Variants in PDZRN3 observed in about 807,000 individuals in gnomAD.
PDZRN3 encodes the protein PDZ domain containing ring finger 3, also known as E3 ubiquitin-protein ligase PDZRN3.
A neutral mutation model predicts 85.7 loss-of-function variants in PDZRN3; 38 were observed. The ratio of observed to expected loss-of-function variants is 0.44; its 90% CI spans 0.34 to 0.58. PDZRN3 has a LOEUF of 0.58. Among genes scored for constraint, PDZRN3 ranks in the 20% least tolerant of loss-of-function variants. The probability of loss-of-function intolerance (pLI) is 0.01; values close to 1 mark genes in which losing one functional copy is unlikely to be tolerated. For synonymous variants in PDZRN3, 759 were observed against 638.0 expected (o/e 1.19, Z -2.86); for missense variants, 1,629 against 1,506.4 (o/e 1.08, Z -1.35).
rs771793125 is a variant in PDZRN3, at chr3:73,383,598, G to A, written c.2968C>T (p.Arg990Trp). Residue 990 changes from arginine (R) to tryptophan (W), a missense_variant, in exon 10 of 10, where the codon CGG (arginine) becomes TGG (tryptophan). Arg to Trp is a moderately radical substitution (Grantham distance 101, BLOSUM62 -3). Transcript: ENST00000263666. ...CTCTGCATCATGAACTCGCGCCGCC[G>A]CCGCTGCTCCTTGGCCTTCACCAGG... ...QHLVKAKEQR[R>W]RREFMMQSRL... 1 of 1,613,980 alleles carries A rather than the reference G, an allele frequency of 6.2e-7. No individual in the cohort carries two copies. Among genetic ancestry groups the A allele is most frequent in the South Asian group, 1.1e-5 (1 of 91,074 alleles).
chr3:73,479,352 G>A (rs1322505673), intron 3 of PDZRN3, among the ~76,000 whole-genome samples: 1 of 151,540 alleles, frequency 6.6e-6, no homozygotes, highest in Non-Finnish European at 1.5e-5. Context: ...CTCTGGCATG[G>A]ACAGGCTCCT....
At chr3:73,494,841 C>T (rs896321056) in intron 3 of PDZRN3, among the ~76,000 whole-genome samples, 32 of 152,254 alleles carry the variant, frequency 2.1e-4, no homozygotes, top group Admixed American at 2.0e-3. Context: ...CTTAACTTTC[C>T]ACAGTATAGA....
chr3:73,623,297 G>A (rs746696175), intron 1 of PDZRN3, among the ~76,000 whole-genome samples: 5 of 152,216 alleles, frequency 3.3e-5, no homozygotes, highest in South Asian at 2.1e-4. Flanking sequence ...AGCTCACCCA[G>A]CTGGTCAGCA....
At chr3:73,397,125 C>G (rs534895223) in intron 5 of PDZRN3, among the ~76,000 whole-genome samples, 294 of 152,048 alleles carry the variant, frequency 1.9e-3, no homozygotes, top group African/African-American at 6.8e-3. Flanking sequence ...CCTCCGCCTC[C>G]TGGGTTTAAG....
At chr3:73,614,553 C>G (rs1702732921) in intron 1 of PDZRN3, among the ~76,000 whole-genome samples, 1 of 152,208 alleles carries the variant, frequency 6.6e-6, no homozygotes, top group Non-Finnish European at 1.5e-5. Flanking sequence ...AGAAATGTAA[C>G]TGACTGACCG....
chr3:73,624,828 T>A lies in PDZRN3; in HGVS notation c.-3A>T. ...AAGCGGTCCAGCTCGAAGCCCATGG[T>A]GGCGGCCAGGCCCCGGGGTCGCCGC... On this transcript the variant is annotated 5_prime_UTR_variant, in exon 1 of 10. Transcript: ENST00000263666. The A allele has an allele frequency of 7.6e-7, 1 of 1,312,282 alleles. No individual in the cohort carries two copies. The highest frequency in any genetic ancestry group is 9.7e-7 in the Non-Finnish European group (1 of 1,033,518). 81.3% of individuals were successfully genotyped at this position (1,312,282 alleles called of 1,614,324 possible). A position where few individuals can be genotyped will look rare whatever the true frequency, so the allele number is the denominator to read the frequency against.
Position 73,383,318 on chromosome 3 carries a change from C to T in PDZRN3, c.*47G>A, listed in dbSNP as rs535553811. On this transcript the variant is annotated 3_prime_UTR_variant, in exon 10 of 10. Transcript: ENST00000263666. ...GCATTGAACGAGGCAGGAATTTCTA[C>T]CCCAGTGGTAGTGGTCTCCTTTATG... 6.6e-7 allele frequency: 1 copy of T among 1,517,962 alleles called. No homozygotes were observed. The highest frequency in any genetic ancestry group is 8.9e-7 in the Non-Finnish European group (1 of 1,127,724). 94.0% of individuals were successfully genotyped at this position (1,517,962 alleles called of 1,614,324 possible).
intron 3 of PDZRN3, among the ~76,000 whole-genome samples, chr3:73,438,721 C>T (rs1702578195): frequency 6.6e-6 from 1 of 152,220 alleles, no homozygotes; most frequent in Non-Finnish European, 1.5e-5. Context: ...CCGGGTGGAA[C>T]CCCACTCTCC....
chr3:73,397,565 G>A (rs1242057260), intron 5 of PDZRN3, among the ~76,000 whole-genome samples: 2 of 152,184 alleles, frequency 1.3e-5, no homozygotes, highest in Non-Finnish European at 2.9e-5. Context: ...TAACCTTCTT[G>A]AACTGACTGA....
At chr3:73,413,340 T>C (rs1702010376) in intron 3 of PDZRN3, among the ~76,000 whole-genome samples, 1 of 152,126 alleles carries the variant, frequency 6.6e-6, no homozygotes. Context: ...AGAAAACCCA[T>C]GAAAAGCAGT....
chr3:73,482,623 T>C (rs1277767195), intron 3 of PDZRN3, among the ~76,000 whole-genome samples: 1 of 152,206 alleles, frequency 6.6e-6, no homozygotes, highest in Non-Finnish European at 1.5e-5. Flanking sequence ...AATTCTCCTC[T>C]GTCTCAGAAA....
At chr3:73,533,297 C>A (rs1399424433) in intron 3 of PDZRN3, among the ~76,000 whole-genome samples, 3 of 152,156 alleles carry the variant, frequency 2.0e-5, no homozygotes, top group African/African-American at 4.8e-5. Context: ...AAGCCAACTG[C>A]AATTTTTACT....
intron 3 of PDZRN3, among the ~76,000 whole-genome samples, chr3:73,513,761 G>A (rs950039578): frequency 2.6e-5 from 4 of 152,170 alleles, no homozygotes; most frequent in African/African-American, 7.2e-5. Flanking sequence ...AAAATATTCT[G>A]ACCCACAGTT....
intron 3 of PDZRN3, among the ~76,000 whole-genome samples, chr3:73,413,255 C>T (rs1382294613): frequency 6.6e-6 from 1 of 152,148 alleles, no homozygotes; most frequent in Non-Finnish European, 1.5e-5. Context: ...TCGGGAAATA[C>T]TAGCCTAGGT....
Position 73,383,340 on chromosome 3 carries a change from T to C in PDZRN3, c.*25A>G, listed in dbSNP as rs1277815568. On this transcript the variant is annotated 3_prime_UTR_variant, in exon 10 of 10. Coordinates refer to ENST00000263666, the MANE Select transcript of PDZRN3 (RefSeq NM_015009.3). The stretch of plus-strand genomic sequence containing the variant: ...CTACCCCAGTGGTAGTGGTCTCCTT[T>C]ATGTACATAATGCAGAAGTGAAAAT... 6.4e-7 allele frequency: 1 copy of C among 1,572,498 alleles called. No individual in the cohort carries two copies.
chr3:73,459,195 A>G (rs962647322), intron 3 of PDZRN3, among the ~76,000 whole-genome samples: 6 of 152,156 alleles, frequency 3.9e-5, no homozygotes, highest in African/African-American at 1.2e-4. Context: ...ACTCACTATC[A>G]TAAGAACAGT....
In PDZRN3 at chr3:73,624,411, C is replaced by G. The variant is rs1469027500; in HGVS notation, c.415G>C (p.Val139Leu). ...CCGCAGCCCTCCTGGCAGCGGCCCA[C>G]TGGCCGCGCGTCGCAGGCGTCGCGC... is the stretch of plus-strand genomic sequence containing the variant. ...HMRDACDARP[V>L]GRCQEGCGLP... Residue 139 changes from valine to leucine, a missense_variant, in exon 1 of 10, where the codon GTG becomes CTG. Val to Leu is a conservative substitution (Grantham distance 32, BLOSUM62 1). Coordinates refer to ENST00000263666, the MANE Select transcript of PDZRN3 (RefSeq NM_015009.3). 35 of 1,303,246 alleles carry G rather than the reference C, an allele frequency of 2.7e-5. 1 individual carries two copies. In the African/African-American group the frequency reaches 3.0e-4, roughly 11 times the overall value. 80.7% of individuals were successfully genotyped at this position (1,303,246 alleles called of 1,614,324 possible).
At chr3:73,495,314 G>A (rs1016348487) in intron 3 of PDZRN3, among the ~76,000 whole-genome samples, 3 of 150,414 alleles carry the variant, frequency 2.0e-5, no homozygotes, top group Admixed American at 1.3e-4. Flanking sequence ...AAAAAAATTA[G>A]AACATGCTTA....
At chr3:73,620,413 G>T (rs1387576789) in intron 1 of PDZRN3, among the ~76,000 whole-genome samples, 1 of 152,152 alleles carries the variant, frequency 6.6e-6, no homozygotes, top group Non-Finnish European at 1.5e-5. Context: ...AAGAATCAGG[G>T]GGTAAGTCAG....
Sources: gnomAD v4.1 joint callset for allele counts (sites outside exome capture counted in the v4.1 genomes callset) on GRCh38, gnomAD v4.1.1 for gene constraint, MANE v1.5 for transcripts, NCBI Gene and HGNC (gene_info 2026-07-23, HGNC 2026-07-21) for gene names.